IQGAP1: variants seen among roughly 807,000 people sequenced by gnomAD.
IQGAP1 encodes the protein ras GTPase-activating-like protein IQGAP1.
Under a neutral mutation model 215.6 loss-of-function variants are expected in IQGAP1, and 66 were observed. The observed-to-expected ratio is 0.31, with a 90% CI of 0.25 to 0.38. The LOEUF is 0.38. Ranked by LOEUF, IQGAP1 falls within the 10% of genes least tolerant of loss-of-function variation. The pLI, the probability that IQGAP1 is intolerant of heterozygous loss-of-function variation, is 1.00. For missense variants in IQGAP1, 1,712 were observed against 1,997.1 expected (o/e 0.86, Z 2.72); for synonymous variants, 772 against 728.7 (o/e 1.06, Z -0.96).
At chr15:90,444,841 T>C (rs1460153552) in intron 9 of IQGAP1, among the ~76,000 whole-genome samples, 1 of 152,214 alleles carries the variant, frequency 6.6e-6, no homozygotes, top group African/African-American at 2.4e-5. Flanking sequence ...CTGTACATTT[T>C]ATGACTTAAA....
At chr15:90,394,823 T>G (rs1964689688) in intron 2 of IQGAP1, among the ~76,000 whole-genome samples, 1 of 152,160 alleles carries the variant, frequency 6.6e-6, no homozygotes, top group Non-Finnish European at 1.5e-5. Context: ...AAGCTCCACC[T>G]TTTAGTACAG....
intron 9 of IQGAP1, among the ~76,000 whole-genome samples, chr15:90,446,003 T>A (rs1485923386): frequency 2.0e-5 from 3 of 152,196 alleles, no homozygotes; most frequent in African/African-American, 7.2e-5. Context: ...TTCTGGTTCA[T>A]TTAGGATAAT....
chr15:90,441,037 G>T (rs1965441835), intron 7 of IQGAP1, among the ~76,000 whole-genome samples: 1 of 151,972 alleles, frequency 6.6e-6, no homozygotes, highest in African/African-American at 2.4e-5. Context: ...AACCCAAGAG[G>T]CAGAGGTTGC....
chr15:90,467,740 G>T, intron 18 of IQGAP1, 148 bp downstream of exon 18: 1 of 670,310 alleles, frequency 1.5e-6, no homozygotes, highest in Non-Finnish European at 2.3e-6. Context: ...TTTTTTTGTA[G>T]TAGTTGGGGG....
intron 14 of IQGAP1, 77 bp from the exon 15 acceptor site, chr15:90,456,075 T>G: frequency 8.0e-7 from 1 of 1,244,880 alleles, no homozygotes; most frequent in Non-Finnish European, 1.1e-6. Flanking sequence ...TTATGATTAG[T>G]TAGCATGTTC....
At chr15:90,433,314 G>A (rs996896904) in intron 4 of IQGAP1, among the ~76,000 whole-genome samples, 11 of 151,974 alleles carry the variant, frequency 7.2e-5, no homozygotes, top group Non-Finnish European at 1.5e-4. Flanking sequence ...CTCCATCTAG[G>A]CATGGTAGAT....
rs1255123975 is a variant in IQGAP1, at chr15:90,433,773, A to G, written c.445A>G (p.Ile149Val). The change falls in exon 5 of 38, where the codon ATC (isoleucine) becomes GTC (valine). Residue 149 changes from isoleucine (I) to valine (V), a missense_variant. By Grantham distance (29) the Ile-to-Val change is conservative (BLOSUM62 3). This residue lies in a region of IQGAP1 where 1,021 missense variants were observed against 1,074.2 expected (regional missense o/e 0.95). Transcript: ENST00000268182. The stretch of plus-strand genomic sequence containing the variant: ...TGATCGAAAGAACATGCCAAGATGT[A>G]TCTACTGTATCCATGCACTCAGGTA... ...IYDRKNMPRC[I>V]YCIHALSLYL... The G allele has an allele frequency of 1.9e-6, 3 of 1,605,808 alleles. No individual in the cohort carries two copies. The highest frequency in any genetic ancestry group is 2.2e-5 in the East Asian group (1 of 44,666).
chr15:90,482,357 ACTAACTGC>A lies in IQGAP1; in HGVS notation c.3555+81_3555+88del, dbSNP rs151110069. Reference sequence around the variant, plus strand: ...AAACCAGGGCTGACCATAGATCATTACTAACTGCCTAAGTGTAGGTTCTGGCAGTAGCT... The same window carrying A: ...AAACCAGGGCTGACCATAGATCATTACTAAGTGTAGGTTCTGGCAGTAGCT... On this transcript the variant is annotated intron_variant, in intron 28 of 37. Coordinates refer to ENST00000268182, the MANE Select transcript of IQGAP1 (RefSeq NM_003870.4). 1.1e-3 allele frequency: 1,461 copies of A among 1,368,338 alleles called. 9 individuals carry two copies. The African/African-American group carries it at 0.019, about 17-fold the overall frequency. 84.8% of individuals were successfully genotyped at this position (1,368,338 alleles called of 1,614,324 possible).
intron 23 of IQGAP1, among the ~76,000 whole-genome samples, chr15:90,476,139 C>G (rs576767642): frequency 6.6e-6 from 1 of 152,020 alleles, no homozygotes; most frequent in East Asian, 1.9e-4. Flanking sequence ...CTTTGTATTG[C>G]CCAGGCTGGT....
intron 4 of IQGAP1, 132 bp downstream of exon 4, chr15:90,429,798 C>G: frequency 1.9e-6 from 1 of 535,060 alleles, no homozygotes; most frequent in South Asian, 3.4e-5. Flanking sequence ...TAAAAGATGT[C>G]TTTCTTTTTG....
chr15:90,447,954 C>G (rs939464090), intron 9 of IQGAP1, among the ~76,000 whole-genome samples: 1 of 152,018 alleles, frequency 6.6e-6, no homozygotes, highest in Non-Finnish European at 1.5e-5. Context: ...TTGGACCACC[C>G]TTGATAGCAG....
rs763510464 is a variant in IQGAP1, at chr15:90,494,830, G to C, written c.4746G>C (p.Val1582=). 6.2e-7 allele frequency: 1 copy of C among 1,601,134 alleles called. No individual in the cohort carries two copies. The highest frequency in any genetic ancestry group is 8.5e-7 in the Non-Finnish European group (1 of 1,173,046). ...TTCTGGAAATTGAGGACCTGCAAGTGAATCAGTGAGTCTTTGCTTTTTGTT... is the reference window on the plus strand; with the variant it reads ...TTCTGGAAATTGAGGACCTGCAAGTCAATCAGTGAGTCTTTGCTTTTTGTT... ...GVLLEIEDLQ[V]NQFKNVIFEI... The change falls in exon 36 of 38, where the codon GTG becomes GTC. Residue 1582 remains valine (V), a synonymous_variant. Coordinates refer to ENST00000268182, the MANE Select transcript of IQGAP1 (RefSeq NM_003870.4).
intron 5 of IQGAP1, among the ~76,000 whole-genome samples, chr15:90,435,332 T>C (rs545534235): frequency 2.6e-5 from 4 of 152,206 alleles, no homozygotes; most frequent in Non-Finnish European, 5.9e-5. Context: ...AAAAATTAGC[T>C]AGGCATGGTG....
At chr15:90,472,228 T>C (rs1292141256) in intron 18 of IQGAP1, among the ~76,000 whole-genome samples, 1 of 152,136 alleles carries the variant, frequency 6.6e-6, no homozygotes, top group African/African-American at 2.4e-5. Context: ...CGAGCTGAGA[T>C]TGTACCACTG....
chr15:90,438,797 T>A (rs1355168954), intron 5 of IQGAP1, among the ~76,000 whole-genome samples: 1 of 151,514 alleles, frequency 6.6e-6, no homozygotes, highest in Non-Finnish European at 1.5e-5. Flanking sequence ...TGATCTCGGC[T>A]CACTGCAGCC....
chr15:90,476,960 A>C (rs1331601499), intron 24 of IQGAP1, 107 bp from the exon 25 acceptor site: 3 of 1,346,182 alleles, frequency 2.2e-6, no homozygotes, highest in African/African-American at 2.9e-5. Context: ...TTAATTTATT[A>C]ATCTTTTTTC....
chr15:90,446,353 A>C (rs774332093), intron 9 of IQGAP1, among the ~76,000 whole-genome samples: 2 of 152,220 alleles, frequency 1.3e-5, no homozygotes, highest in African/African-American at 4.8e-5. Flanking sequence ...AAATAATAAA[A>C]ATTCCCTCAA....
At chr15:90,393,613 A>T (rs1964669197) in intron 2 of IQGAP1, 1 of 151,824 alleles carries the variant, frequency 6.6e-6, no homozygotes, top group Non-Finnish European at 1.5e-5. Context: ...AAGATTTAAA[A>T]CTCTGCCTTA....
chr15:90,406,272 T>A (rs934472704), intron 2 of IQGAP1, among the ~76,000 whole-genome samples: 2 of 152,238 alleles, frequency 1.3e-5, no homozygotes, highest in African/African-American at 4.8e-5. Flanking sequence ...CACATTAACA[T>A]CATTTCCTTT....
Sources: allele counts gnomAD v4.1 joint callset (sites outside exome capture counted in the v4.1 genomes callset), GRCh38; gene constraint gnomAD v4.1.1; regional missense constraint gnomAD v4.1.1; transcripts MANE v1.5; gene names NCBI Gene and HGNC (gene_info 2026-07-23, HGNC 2026-07-21).